The following RYR3 variants were observed in gnomAD, a reference collection of about 807,000 sequenced individuals.
The protein encoded by RYR3 is ryanodine receptor 3.
Under a neutral mutation model 584.3 loss-of-function variants are expected in RYR3, and 207 were observed. The observed-to-expected ratio is 0.35, with a 90% CI of 0.32 to 0.40. The LOEUF (loss-of-function observed/expected upper bound fraction) is 0.40, where lower values mean the gene tolerates loss of function less well. RYR3 is among the 10% of genes least tolerant of loss of function. The pLI is 1.00. For missense variants in RYR3, 5,616 were observed against 6,089.2 expected (o/e 0.92, Z 2.59); for synonymous variants, 2,416 against 2,248.5 (o/e 1.07, Z -2.11).
chr15:33,407,083 G>A (rs1009596028), intron 1 of RYR3, among the ~76,000 whole-genome samples: 6 of 152,200 alleles, frequency 3.9e-5, no homozygotes, highest in African/African-American at 1.4e-4. Context: ...GGAACACTGT[G>A]TCTACACGTG....
At chr15:33,631,386 C>T in intron 23 of RYR3, 93 bp downstream of exon 23, 7 of 785,100 alleles carry the variant, frequency 8.9e-6, no homozygotes, top group Non-Finnish European at 1.4e-5. Context: ...CAACAGCCCA[C>T]ATAGTTGCTA....
At chr15:33,725,331 G>A (rs1194661102) in intron 45 of RYR3, among the ~76,000 whole-genome samples, 4 of 152,048 alleles carry the variant, frequency 2.6e-5, no homozygotes, top group Admixed American at 6.6e-5. Flanking sequence ...GTGCGTGGGC[G>A]GGCCTTCTCC....
chr15:33,838,876 G>C lies in RYR3; in HGVS notation c.12896G>C (p.Gly4299Ala). 1 of 1,613,974 alleles carries C rather than the reference G, an allele frequency of 6.2e-7. No homozygotes were observed. Among genetic ancestry groups the C allele is most frequent in the Non-Finnish European group, 8.5e-7 (1 of 1,179,868 alleles). ...EGSLKHGPEV[G>A]LGDLSEIIGK... Reference sequence around the variant, plus strand: ...AGCTTAAAGCATGGGCCTGAAGTGGGTTTGGGTGACCTCTCAGAAATTATT... The same window carrying C: ...AGCTTAAAGCATGGGCCTGAAGTGGCTTTGGGTGACCTCTCAGAAATTATT... The change falls in exon 89 of 104, where the codon GGT becomes GCT. Residue 4299 changes from glycine (G) to alanine (A), a missense_variant. Around this residue, in one of 9 missense-constraint regions of RYR3, gnomAD observed 918 missense variants for 887.4 expected, o/e 1.03. Coordinates refer to ENST00000634891, the MANE Select transcript of RYR3 (RefSeq NM_001036.6).
At chr15:33,711,187 A>G (rs563855109) in intron 43 of RYR3, among the ~76,000 whole-genome samples, 1 of 149,086 alleles carries the variant, frequency 6.7e-6, no homozygotes, top group East Asian at 2.0e-4. Flanking sequence ...ATTCATTTTC[A>G]CATCTGAACA....
chr15:33,771,724 CA>C (rs2073590484), intron 62 of RYR3, among the ~76,000 whole-genome samples, 195 bp from the exon 63 acceptor site: 2 of 152,246 alleles, frequency 1.3e-5, no homozygotes, highest in Non-Finnish European at 2.9e-5. Flanking sequence ...TCAGACTGTC[CA>C]GTGGCTAGCC....
intron 2 of RYR3, among the ~76,000 whole-genome samples, chr15:33,493,883 G>A (rs1050963357): frequency 3.3e-5 from 5 of 152,148 alleles, no homozygotes; most frequent in Admixed American, 1.3e-4. Flanking sequence ...AGGAATTGGA[G>A]TTCAACTTAG....
chr15:33,626,437 G>A (rs566663001), intron 20 of RYR3, among the ~76,000 whole-genome samples: 22 of 152,154 alleles, frequency 1.4e-4, no homozygotes, highest in Non-Finnish European at 2.8e-4. Flanking sequence ...GAAGCAGAGC[G>A]TAAAAGTTTG....
chr15:33,711,368 T>G (rs8033768), intron 43 of RYR3, among the ~76,000 whole-genome samples: 1 of 150,706 alleles, frequency 6.6e-6, no homozygotes, highest in African/African-American at 2.4e-5. Context: ...CTCAGCCTCC[T>G]GAGTAGCTGG....
chr15:33,830,639 T>C (rs1021385487), intron 85 of RYR3, among the ~76,000 whole-genome samples: 1 of 152,254 alleles, frequency 6.6e-6, no homozygotes, highest in Non-Finnish European at 1.5e-5. Flanking sequence ...TATTAGCTAT[T>C]ATGTTGTTGC....
chr15:33,579,927 G>A (rs1358206006), intron 12 of RYR3, 49 bp from the exon 13 acceptor site: 3 of 1,492,094 alleles, frequency 2.0e-6, no homozygotes, highest in East Asian at 2.4e-5. Context: ...GTTCATCAGG[G>A]CCCTGCTGCT....
At position 33,771,948 on chromosome 15, in the gene RYR3, G is replaced by A. The variant is rs781196947; in HGVS notation, c.8845G>A (p.Val2949Met). ...RTVMKSGSELVKAGLRAFFEN... is the reference protein window; with the variant it reads ...RTVMKSGSELMKAGLRAFFEN... ...TGTCATGAAGTCAGGCTCAGAGCTG[G>A]TGAAGGCTGGGTTACGAGCATTCTT... is the stretch of plus-strand genomic sequence containing the variant. Residue 2949 changes from valine (V) to methionine (M), a missense_variant, in exon 63 of 104, where the codon GTG becomes ATG. By Grantham distance (21) the Val-to-Met change is conservative (BLOSUM62 1). Around this residue, in one of 9 missense-constraint regions of RYR3, gnomAD observed 1,280 missense variants for 1,426.2 expected, o/e 0.90. Coordinates refer to ENST00000634891, the MANE Select transcript of RYR3 (RefSeq NM_001036.6). The A allele has an allele frequency of 6.2e-7, 1 of 1,612,838 alleles. No homozygotes were observed. Among genetic ancestry groups the A allele is most frequent in the Admixed American group, 1.7e-5 (1 of 59,916 alleles).
chr15:33,369,992 AAT>A (rs1360228695), intron 1 of RYR3, among the ~76,000 whole-genome samples: 2 of 152,186 alleles, frequency 1.3e-5, no homozygotes, highest in African/African-American at 4.8e-5. Flanking sequence ...AATGCTCATC[AAT>A]GTATATGTGT....
intron 42 of RYR3, among the ~76,000 whole-genome samples, chr15:33,702,623 G>A (rs544066967): frequency 5.2e-4 from 79 of 152,190 alleles, no homozygotes; most frequent in African/African-American, 1.8e-3. Flanking sequence ...GGGAATTGAC[G>A]ACCTGGCAGT....
chr15:33,808,681 G>C (rs2152941172), intron 70 of RYR3, among the ~76,000 whole-genome samples: 1 of 152,270 alleles, frequency 6.6e-6, no homozygotes, highest in South Asian at 2.1e-4. Flanking sequence ...TTTTAAACCT[G>C]GTGGTAGAAT....
At chr15:33,421,642 G>C (rs925497968) in intron 1 of RYR3, among the ~76,000 whole-genome samples, 7 of 152,140 alleles carry the variant, frequency 4.6e-5, no homozygotes, top group African/African-American at 1.7e-4. Context: ...AGACCTCTAA[G>C]AGTAATAATC....
At chr15:33,578,396 G>T (rs528379087) in intron 12 of RYR3, among the ~76,000 whole-genome samples, 11 of 152,226 alleles carry the variant, frequency 7.2e-5, no homozygotes, top group African/African-American at 2.6e-4. Flanking sequence ...AGAAAATGTG[G>T]AACATATACA....
chr15:33,805,688 A>C (rs532690800), intron 69 of RYR3, among the ~76,000 whole-genome samples: 2 of 151,648 alleles, frequency 1.3e-5, no homozygotes, highest in African/African-American at 2.4e-5. Context: ...TGTGTTAGCC[A>C]GGATGGTCTC....
intron 1 of RYR3, among the ~76,000 whole-genome samples, chr15:33,437,198 C>T (rs2045812071): frequency 6.6e-6 from 1 of 151,484 alleles, no homozygotes; most frequent in Admixed American, 6.6e-5. Flanking sequence ...AAAATAGTGG[C>T]CTATTAAGCC....
intron 86 of RYR3, 21 bp from the exon 87 acceptor site, chr15:33,834,947 A>C (rs1360900831): frequency 3.7e-6 from 6 of 1,604,612 alleles, no homozygotes; most frequent in Non-Finnish European, 5.1e-6. Flanking sequence ...AAGTGACATA[A>C]GAATGTCCTC....
Sources: gnomAD v4.1 joint callset for allele counts (sites outside exome capture counted in the v4.1 genomes callset) on GRCh38, gnomAD v4.1.1 for gene constraint, gnomAD v4.1.1 regional missense constraint, MANE v1.5 for transcripts, NCBI Gene and HGNC (gene_info 2026-07-23, HGNC 2026-07-21) for gene names.